SNTG1: variants seen among roughly 807,000 people sequenced by gnomAD.
SNTG1 encodes the protein gamma-1-syntrophin.
In SNTG1, 39 loss-of-function variants were observed where a neutral mutation model predicts 74.7. The observed-to-expected ratio is 0.52, with a 90% CI of 0.40 to 0.68. SNTG1 has a LOEUF of 0.68. Ranked by LOEUF, SNTG1 falls within the 30% of genes least tolerant of loss-of-function variation. The probability of loss-of-function intolerance (pLI) is 0.00; values close to 1 mark genes in which losing one functional copy is unlikely to be tolerated. For synonymous variants in SNTG1, 254 were observed against 217.1 expected, an observed-to-expected ratio of 1.17 and a Z score of -1.49; for missense variants, 685 against 609.5, an observed-to-expected ratio of 1.12 and a Z score of -1.30.
intron 2 of SNTG1, among the ~76,000 whole-genome samples, chr8:50,224,496 C>T (rs899436027): frequency 1.8e-4 from 28 of 152,162 alleles, no homozygotes; most frequent in African/African-American, 6.8e-4. Context: ...TAACACCATT[C>T]ACACCTAAGT....
intron 1 of SNTG1, among the ~76,000 whole-genome samples, chr8:50,151,981 C>G (rs533044942): frequency 6.6e-6 from 1 of 152,224 alleles, no homozygotes; most frequent in African/African-American, 2.4e-5. Flanking sequence ...CTTTCTGTCT[C>G]ATTGATCTGT....
At chr8:50,102,189 T>C (rs2080160040) in intron 1 of SNTG1, among the ~76,000 whole-genome samples, 1 of 146,370 alleles carries the variant, frequency 6.8e-6, no homozygotes, top group Non-Finnish European at 1.5e-5. Flanking sequence ...TGTAAAAGTG[T>C]TCCTATTTCT....
At chr8:50,686,838 C>T (rs926199276) in intron 15 of SNTG1, among the ~76,000 whole-genome samples, 3 of 152,002 alleles carry the variant, frequency 2.0e-5, no homozygotes, top group Non-Finnish European at 2.9e-5. Context: ...ATGACCTGCA[C>T]AAAATAAACA....
chr8:49,952,197 G>A (rs1217098053), intron 1 of SNTG1, among the ~76,000 whole-genome samples: 1 of 152,112 alleles, frequency 6.6e-6, no homozygotes, highest in Non-Finnish European at 1.5e-5. Context: ...ACTGTATCAT[G>A]CCATGAAAAA....
At chr8:49,919,158 C>A (rs1806306763) in intron 1 of SNTG1, among the ~76,000 whole-genome samples, 1 of 152,072 alleles carries the variant, frequency 6.6e-6, no homozygotes, top group Non-Finnish European at 1.5e-5. Context: ...CTGTCTTACT[C>A]ACCTCCTTAC....
At chr8:50,695,966 C>A (rs566736580) in intron 15 of SNTG1, among the ~76,000 whole-genome samples, 1 of 151,804 alleles carries the variant, frequency 6.6e-6, no homozygotes, top group Admixed American at 6.6e-5. Flanking sequence ...GATTTCTTTT[C>A]CTTTGGATAT....
At chr8:49,988,045 C>G (rs1813340042) in intron 1 of SNTG1, among the ~76,000 whole-genome samples, 1 of 152,008 alleles carries the variant, frequency 6.6e-6, no homozygotes, top group African/African-American at 2.4e-5. Flanking sequence ...ATTGATAACC[C>G]AGGGTGACTG....
chr8:50,536,286 C>A (rs1461814304), intron 10 of SNTG1, among the ~76,000 whole-genome samples: 1 of 152,140 alleles, frequency 6.6e-6, no homozygotes, highest in East Asian at 1.9e-4. Context: ...ATAAAATACT[C>A]TCTATTTGAA....
rs375107600 is a variant in SNTG1 at position 50,213,756 on chromosome 8, G to A, written c.-28+41121G>A. Among the ~76,000 whole-genome samples, 441 of 151,930 alleles carry A rather than the reference G, an allele frequency of 2.9e-3. 2 individuals carry two copies. Among genetic ancestry groups the A allele is most frequent in the African/African-American group, 9.7e-3 (401 of 41,368 alleles). ...TGAGAAGTGTCTGTTCATGTCCTTC[G>A]CCCACCTTTTGACGGGGTTGTCTGT... On this transcript the variant is annotated intron_variant, in intron 2 of 18. Coordinates refer to ENST00000642720, the MANE Select transcript of SNTG1 (RefSeq NM_018967.5).
chr8:50,097,544 C>T (rs995672391), intron 1 of SNTG1, among the ~76,000 whole-genome samples: 1 of 151,298 alleles, frequency 6.6e-6, no homozygotes, highest in Non-Finnish European at 1.5e-5. Context: ...CCCAGCTACT[C>T]GGGAGGCTGA....
chr8:49,999,143 C>T (rs1388805932), intron 1 of SNTG1, among the ~76,000 whole-genome samples: 2 of 152,140 alleles, frequency 1.3e-5, no homozygotes, highest in African/African-American at 2.4e-5. Flanking sequence ...TGTAGTTCAA[C>T]GTAGATCCTC....
chr8:50,763,764 A>G (rs867064784), intron 18 of SNTG1, among the ~76,000 whole-genome samples: 3 of 148,894 alleles, frequency 2.0e-5, no homozygotes, highest in Non-Finnish European at 4.5e-5. Flanking sequence ...TAAAACGTCT[A>G]TATTACCCCC....
At chr8:50,199,104 T>A (rs1054033861) in intron 2 of SNTG1, among the ~76,000 whole-genome samples, 5 of 152,156 alleles carry the variant, frequency 3.3e-5, no homozygotes, top group African/African-American at 1.2e-4. Flanking sequence ...GATAGTTTCT[T>A]CTATTCTGTA....
chr8:50,155,445 A>G (rs1235443805), intron 1 of SNTG1, among the ~76,000 whole-genome samples: 1 of 152,166 alleles, frequency 6.6e-6, no homozygotes, highest in Non-Finnish European at 1.5e-5. Flanking sequence ...AAAAGTTAAA[A>G]CCACAACAGT....
At chr8:50,561,862 G>T (rs530584852) in intron 12 of SNTG1, among the ~76,000 whole-genome samples, 2 of 152,244 alleles carry the variant, frequency 1.3e-5, no homozygotes, top group South Asian at 4.1e-4. Context: ...TGTCTAGAAT[G>T]TCTCCCCAGC....
intron 2 of SNTG1, among the ~76,000 whole-genome samples, chr8:50,308,032 T>A (rs1450858279): frequency 6.6e-6 from 1 of 151,902 alleles, no homozygotes; most frequent in Admixed American, 6.6e-5. Flanking sequence ...AGCTCAGGGC[T>A]TTGTTCTGAA....
At chr8:50,475,225 A>T in intron 8 of SNTG1, among the ~76,000 whole-genome samples, 1 of 148,564 alleles carries the variant, frequency 6.7e-6, no homozygotes, top group African/African-American at 2.5e-5. Flanking sequence ...CTTAAAGTAT[A>T]ATAATAATAA....
chr8:50,035,505 G>A (rs1291096148), intron 1 of SNTG1, among the ~76,000 whole-genome samples: 1 of 152,164 alleles, frequency 6.6e-6, no homozygotes, highest in East Asian at 1.9e-4. Flanking sequence ...GCAAAAATGT[G>A]AAGATTTTAG....
intron 15 of SNTG1, among the ~76,000 whole-genome samples, chr8:50,702,617 C>T (rs747434495): frequency 6.6e-6 from 1 of 152,136 alleles, no homozygotes; most frequent in African/African-American, 2.4e-5. Context: ...GTGATTAACC[C>T]TTTGACAATT....
Sources: allele counts gnomAD v4.1 joint callset (sites outside exome capture counted in the v4.1 genomes callset), GRCh38; gene constraint gnomAD v4.1.1; transcripts MANE v1.5; gene names NCBI Gene and HGNC (gene_info 2026-07-23, HGNC 2026-07-21).